Variants in PIP4P2 observed in about 807,000 individuals in gnomAD.
The protein encoded by PIP4P2 is phosphatidylinositol-4,5-bisphosphate 4-phosphatase 2.
A neutral mutation model predicts 33.3 loss-of-function variants in PIP4P2; 19 were observed. The ratio of observed to expected loss-of-function variants is 0.57; its 90% CI spans 0.40 to 0.84. The LOEUF is 0.84. PIP4P2 is among the 40% of genes least tolerant of loss of function. The pLI is 0.00. For missense variants in PIP4P2, 270 were observed against 324.7 expected, an observed-to-expected ratio of 0.83 and a Z score of 1.29; for synonymous variants, 110 against 111.9, an observed-to-expected ratio of 0.98 and a Z score of 0.11.
intron 1 of PIP4P2, among the ~76,000 whole-genome samples, chr8:91,021,649 C>T (rs555290153): frequency 6.6e-6 from 1 of 152,262 alleles, no homozygotes; most frequent in South Asian, 2.1e-4. Context: ...CCCAATAACC[C>T]AGTTTCCTTT....
chr8:91,029,694 T>C (rs75257275), intron 1 of PIP4P2, among the ~76,000 whole-genome samples: 3,503 of 152,202 alleles, frequency 0.023, 130 homozygotes, highest in African/African-American at 0.079. Flanking sequence ...ATCATATGCA[T>C]AGATAAGTAT....
intron 6 of PIP4P2, 59 bp downstream of exon 6, chr8:90,996,595 T>G (rs1811631962): frequency 2.8e-6 from 4 of 1,450,588 alleles, no homozygotes; most frequent in Non-Finnish European, 3.8e-6. Context: ...CCAGGCCTCA[T>G]GATTGACTAC....
chr8:90,995,008 T>G lies in PIP4P2; in HGVS notation c.*669A>C, dbSNP rs1811609416. ...TCCTGTGATCTTTGAGAAAAGACATTTATCCAACATCTCCAACTGTGGACA... is the reference window on the plus strand; with the variant it reads ...TCCTGTGATCTTTGAGAAAAGACATGTATCCAACATCTCCAACTGTGGACA... On this transcript the variant is annotated 3_prime_UTR_variant, in exon 7 of 7. Coordinates refer to ENST00000285419, the MANE Select transcript of PIP4P2 (RefSeq NM_018710.3). 6.6e-6 allele frequency: 1 copy of G among 152,228 alleles called. No homozygotes were observed. Among genetic ancestry groups the G allele is most frequent in the Admixed American group, 6.5e-5 (1 of 15,276 alleles). The allele number at this position is 152,228 out of a possible 1,614,324, so 9.4% of individuals were successfully genotyped here.
rs1811595940 is a variant in PIP4P2, at chr8:90,994,115, T to C, written c.*1562A>G. ...GTGTATTACAAATGGATTTAAAAAC[T>C]ATATTTTAAAAATAAAACCATTTGA... On this transcript the variant is annotated 3_prime_UTR_variant, in exon 7 of 7. Coordinates refer to ENST00000285419, the MANE Select transcript of PIP4P2 (RefSeq NM_018710.3). 1 of 152,132 alleles carries C rather than the reference T, an allele frequency of 6.6e-6. No homozygotes were observed. Among genetic ancestry groups the C allele is most frequent in the Admixed American group, 6.5e-5 (1 of 15,276 alleles). 9.4% of individuals were successfully genotyped at this position (152,132 alleles called of 1,614,324 possible).
intron 1 of PIP4P2, among the ~76,000 whole-genome samples, chr8:91,034,698 G>A (rs1441139028): frequency 6.6e-6 from 1 of 152,064 alleles, no homozygotes; most frequent in Non-Finnish European, 1.5e-5. Flanking sequence ...GCTTCCAGTG[G>A]GTTTCCGAAT....
chr8:90,998,908 C>T (rs1225746910), intron 5 of PIP4P2, among the ~76,000 whole-genome samples: 1 of 151,886 alleles, frequency 6.6e-6, no homozygotes, highest in Admixed American at 6.6e-5. Flanking sequence ...GCAACAAAAG[C>T]AAAAATGAAC....
At position 90,995,723 on chromosome 8, in the gene PIP4P2, T is replaced by C. The variant is rs767564451; in HGVS notation, c.728A>G (p.Tyr243Cys). 1.2e-6 allele frequency: 2 copies of C among 1,613,300 alleles called. No homozygotes were observed. Among genetic ancestry groups the C allele is most frequent in the Non-Finnish European group, 8.5e-7 (1 of 1,179,570 alleles). Residue 243 changes from tyrosine to cysteine, a missense_variant, in exon 7 of 7, where the codon TAT becomes TGT. Tyr to Cys is a radical substitution (Grantham distance 194, BLOSUM62 -2). Transcript: ENST00000285419. ...ATAACTGACTCTTATGGCTCCCCAATAACAAGCTCGGATAAGGCAGATCAA... is the reference window on the plus strand; with the variant it reads ...ATAACTGACTCTTATGGCTCCCCAACAACAAGCTCGGATAAGGCAGATCAA... ...LGLICLIRACYWGAIRVSYPE... is the reference protein window; with the variant it reads ...LGLICLIRACCWGAIRVSYPE...
intron 1 of PIP4P2, among the ~76,000 whole-genome samples, chr8:91,034,198 A>G (rs1812206386): frequency 6.6e-6 from 1 of 152,208 alleles, no homozygotes; most frequent in African/African-American, 2.4e-5. Flanking sequence ...TCTCACAGGA[A>G]TGTAAGCTCT....
At chr8:91,028,046 G>A (rs1296390905) in intron 1 of PIP4P2, among the ~76,000 whole-genome samples, 1 of 152,158 alleles carries the variant, frequency 6.6e-6, no homozygotes, top group Non-Finnish European at 1.5e-5. Flanking sequence ...TGGAGTAACA[G>A]GCCAAATAGC....
At chr8:91,023,229 A>C (rs1207909100) in intron 1 of PIP4P2, among the ~76,000 whole-genome samples, 1 of 151,308 alleles carries the variant, frequency 6.6e-6, no homozygotes, top group Non-Finnish European at 1.5e-5. Flanking sequence ...CATTATTAAC[A>C]AAAGTTGCTT....
intron 6 of PIP4P2, among the ~76,000 whole-genome samples, chr8:90,996,373 G>A (rs776881951): frequency 6.6e-6 from 1 of 152,002 alleles, no homozygotes; most frequent in Non-Finnish European, 1.5e-5. Flanking sequence ...TTCTGGCACT[G>A]ATTTTTTTTT....
intron 1 of PIP4P2, among the ~76,000 whole-genome samples, chr8:91,039,161 T>C (rs1812272802): frequency 6.6e-6 from 1 of 152,224 alleles, no homozygotes; most frequent in Non-Finnish European, 1.5e-5. Context: ...GCTGACTTGA[T>C]GAAGTTGAAA....
chr8:91,023,566 G>A (rs1586183114), intron 1 of PIP4P2, among the ~76,000 whole-genome samples: 2 of 148,874 alleles, frequency 1.3e-5, no homozygotes. Context: ...TTTTTAATCT[G>A]CCAAAAAAAA....
chr8:91,014,422 A>G (rs1243471004), intron 4 of PIP4P2, among the ~76,000 whole-genome samples: 4 of 152,194 alleles, frequency 2.6e-5, no homozygotes, highest in African/African-American at 7.2e-5. Context: ...CTTAAAAAGA[A>G]GGGAATTTTG....
chr8:91,034,179 G>A (rs1433038041), intron 1 of PIP4P2, among the ~76,000 whole-genome samples: 1 of 152,096 alleles, frequency 6.6e-6, no homozygotes, highest in Non-Finnish European at 1.5e-5. Context: ...AACGCTTACT[G>A]TATGTATCTC....
intron 1 of PIP4P2, among the ~76,000 whole-genome samples, chr8:91,033,451 C>A (rs918353216): frequency 1.3e-5 from 2 of 152,192 alleles, no homozygotes; most frequent in African/African-American, 2.4e-5. Flanking sequence ...CTGACACCAA[C>A]CACACCTCAG....
rs759609718 is a variant in PIP4P2 at position 91,040,705 on chromosome 8, T to C, written c.45A>G (p.Ala15=). 1.9e-6 allele frequency: 3 copies of C among 1,613,188 alleles called. 1 individual carries two copies. ...TGGGAGTGACATTTCCGGAGTGGGATGCTGACAGCAGAGGCGAGCGTTCGT... is the reference window on the plus strand; with the variant it reads ...TGGGAGTGACATTTCCGGAGTGGGACGCTGACAGCAGAGGCGAGCGTTCGT... ...GVDERSPLLS[A]SHSGNVTPTA... is the part of the protein sequence containing the mutation. Residue 15 remains alanine (A), a synonymous_variant, in exon 1 of 7, where the codon GCA becomes GCG. Coordinates refer to ENST00000285419, the MANE Select transcript of PIP4P2 (RefSeq NM_018710.3).
chr8:91,020,123 T>C (rs766615185), intron 3 of PIP4P2, 34 bp downstream of exon 3: 2 of 1,599,706 alleles, frequency 1.3e-6, no homozygotes. Context: ...AATGAACAAA[T>C]GAATGAATCA....
chr8:90,999,516 G>T (rs1811674690), intron 5 of PIP4P2, among the ~76,000 whole-genome samples: 1 of 151,910 alleles, frequency 6.6e-6, no homozygotes, highest in Admixed American at 6.6e-5. Context: ...TGTCTTTAAG[G>T]AGAGTATCAG....
Sources: allele counts gnomAD v4.1 joint callset (sites outside exome capture counted in the v4.1 genomes callset), GRCh38; gene constraint gnomAD v4.1.1; transcripts MANE v1.5; gene names NCBI Gene and HGNC (gene_info 2026-07-23, HGNC 2026-07-21).